Variants in SIRT5 observed in about 807,000 individuals in gnomAD.
SIRT5 encodes the protein NAD-dependent protein deacylase sirtuin-5, mitochondrial.
A neutral mutation model predicts 40.0 loss-of-function variants in SIRT5; 26 were observed. That is an observed-to-expected ratio of 0.65 (90% CI 0.48 to 0.90). The LOEUF is 0.90. SIRT5 is among the 40% of genes least tolerant of loss of function. The pLI is 0.00. For synonymous variants in SIRT5, 146 were observed against 149.1 expected (o/e 0.98, Z 0.15); for missense variants, 401 against 402.4 (o/e 1.00, Z 0.03).
chr6:13,575,925 G>A (rs548533354), intron 1 of SIRT5, among the ~76,000 whole-genome samples: 6 of 152,076 alleles, frequency 3.9e-5, no homozygotes, highest in Non-Finnish European at 7.4e-5. Context: ...TCTGTGCCTG[G>A]CTTATTTTAC....
At chr6:13,574,768 T>G in intron 1 of SIRT5, 24 bp downstream of exon 1, 1 of 150,830 alleles carries the variant, frequency 6.6e-6, no homozygotes, top group African/African-American at 2.5e-5. Context: ...TGCGTGGGGG[T>G]CGCTGCGGCT....
At chr6:13,587,527 G>A (rs376221580) in intron 3 of SIRT5, among the ~76,000 whole-genome samples, 39 of 152,308 alleles carry the variant, frequency 2.6e-4, no homozygotes, top group African/African-American at 9.1e-4. Context: ...TGTGATCCAC[G>A]TAAAGTGCTT....
Position 13,611,224 on chromosome 6 carries a change from TATATATATATATACACACACAC to T in SIRT5, c.858-562_858-541del, listed in dbSNP as rs1296707455. Among the ~76,000 whole-genome samples, 159 of 130,602 alleles carry T rather than the reference TATATATATATATACACACACAC, an allele frequency of 1.2e-3. 1 individual carries two copies. The highest frequency in any genetic ancestry group is 4.4e-3 in the African/African-American group (144 of 32,602). The allele number at this position is 130,602 out of a possible 152,430, so 85.7% of individuals were successfully genotyped here. ...GTGTGTGTGTATATATATATATATATATATATATATATACACACACACATACACACACACATATATATACACA... is the reference window on the plus strand; with the variant it reads ...GTGTGTGTGTATATATATATATATATATACACACACACATATATATACACA... On this transcript the variant is annotated intron_variant, in intron 9 of 9. Coordinates refer to ENST00000606117, the MANE Select transcript of SIRT5 (RefSeq NM_012241.5).
chr6:13,597,078 ACATC>A, intron 7 of SIRT5, 62 bp downstream of exon 7: 1 of 1,310,486 alleles, frequency 7.6e-7, no homozygotes, highest in Non-Finnish European at 1.1e-6. Flanking sequence ...AAAAAAACAG[ACATC>A]AAAACCTAAA....
rs201478760 is a variant in SIRT5, at chr6:13,584,226, G to C, written c.115+1G>C. The C allele has an allele frequency of 3.3e-5, 54 of 1,612,374 alleles. No homozygotes were observed. The highest frequency in any genetic ancestry group is 4.4e-5 in the Non-Finnish European group (52 of 1,178,510). The stretch of plus-strand genomic sequence containing the variant: ...CTGAAAATGGCTCGGCCAAGTTCAA[G>C]TAAGTCATTTTACCCATTGCCTCAC... On this transcript the variant is annotated splice_donor_variant, in intron 3 of 9. Transcript: ENST00000606117. LOFTEE classifies it high-confidence loss of function.
At chr6:13,578,253 GTAGT>G (rs1215672498) in intron 1 of SIRT5, among the ~76,000 whole-genome samples, 2 of 152,136 alleles carry the variant, frequency 1.3e-5, no homozygotes, top group Non-Finnish European at 2.9e-5. Context: ...ATATTGGTCT[GTAGT>G]TTTTCTTCTT....
At chr6:13,601,730 G>A (rs532598447) in intron 9 of SIRT5, among the ~76,000 whole-genome samples, 26 of 151,958 alleles carry the variant, frequency 1.7e-4, no homozygotes, top group African/African-American at 6.3e-4. Context: ...AAATTTCGAT[G>A]TCATTGCTCT....
Position 13,600,960 on chromosome 6 carries a change from A to T in SIRT5, c.857+11A>T, listed in dbSNP as rs1199302916. 2 of 1,597,838 alleles carry T rather than the reference A, an allele frequency of 1.3e-6. No individual in the cohort carries two copies. Among genetic ancestry groups the T allele is most frequent in the Admixed American group, 1.7e-5 (1 of 59,908 alleles). Reference sequence around the variant, plus strand: ...TACGAACAGATTCAGGTACTGGGATACCCTGATGGGAGAGGGAGATGTGGG... The same window carrying T: ...TACGAACAGATTCAGGTACTGGGATTCCCTGATGGGAGAGGGAGATGTGGG... On this transcript the variant is annotated intron_variant, in intron 9 of 9. Coordinates refer to ENST00000606117, the MANE Select transcript of SIRT5 (RefSeq NM_012241.5).
chr6:13,611,589 G>T (rs1763938025), intron 9 of SIRT5, among the ~76,000 whole-genome samples: 1 of 151,998 alleles, frequency 6.6e-6, no homozygotes, highest in Non-Finnish European at 1.5e-5. Context: ...CAGTCACAGA[G>T]CCCAGCCCAT....
At position 13,615,024 on chromosome 6, in the gene SIRT5, C is replaced by G. The variant is rs578211450; in HGVS notation, c.*3159C>G. 80 of 291,984 alleles carry G rather than the reference C, an allele frequency of 2.7e-4. No homozygotes were observed. Among genetic ancestry groups the G allele is most frequent in the African/African-American group, 1.7e-3 (80 of 46,000 alleles). The allele number at this position is 291,984 out of a possible 1,614,324, so 18.1% of individuals were successfully genotyped here. A position where few individuals can be genotyped will look rare whatever the true frequency, so the allele number is the denominator to read the frequency against. ...GGCCCGCGATTACCGGTTTTCTGAG[C>G]ACCGGACAGCGTGAGCCGTGCCAGC... On this transcript the variant is annotated 3_prime_UTR_variant, in exon 10 of 10. Coordinates refer to ENST00000606117, the MANE Select transcript of SIRT5 (RefSeq NM_012241.5).
intron 9 of SIRT5, chr6:13,605,725 A>G: frequency 2.0e-6 from 2 of 985,436 alleles, no homozygotes; most frequent in East Asian, 1.1e-4. Context: ...AACCCTAGGC[A>G]TTTTTGAATT....
chr6:13,601,552 C>G (rs1238330419), intron 9 of SIRT5, among the ~76,000 whole-genome samples: 1 of 151,910 alleles, frequency 6.6e-6, no homozygotes, highest in Non-Finnish European at 1.5e-5. Flanking sequence ...TAATTCTTGT[C>G]CATCTAGTTA....
intron 2 of SIRT5, among the ~76,000 whole-genome samples, chr6:13,583,107 G>T (rs1301295486): frequency 6.6e-6 from 1 of 152,040 alleles, no homozygotes; most frequent in Non-Finnish European, 1.5e-5. Context: ...TGGGGAGGAT[G>T]GGGTGGGAGG....
chr6:13,582,861 A>G (rs1759534397), intron 2 of SIRT5, among the ~76,000 whole-genome samples: 1 of 152,186 alleles, frequency 6.6e-6, no homozygotes, highest in Non-Finnish European at 1.5e-5. Flanking sequence ...TTGTCACAGT[A>G]CACTTCTTTC....
intron 1 of SIRT5, among the ~76,000 whole-genome samples, chr6:13,578,634 A>G (rs1487214573): frequency 2.6e-5 from 4 of 151,540 alleles, no homozygotes; most frequent in Admixed American, 1.3e-4. Context: ...AAAAAAAAAA[A>G]AAAGAAAATA....
At chr6:13,591,137 TGTTTA>T (rs528586898) in intron 4 of SIRT5, among the ~76,000 whole-genome samples, 58 of 152,188 alleles carry the variant, frequency 3.8e-4, no homozygotes, top group African/African-American at 1.2e-3. Context: ...GAGTTGTGTG[TGTTTA>T]GTTGTGTGTA....
intron 5 of SIRT5, among the ~76,000 whole-genome samples, chr6:13,595,043 T>C (rs1761391211): frequency 6.6e-6 from 1 of 152,226 alleles, no homozygotes; most frequent in Non-Finnish European, 1.5e-5. Context: ...TATTGGCAAC[T>C]TCTGCCCACT....
In SIRT5 at chr6:13,613,199, C is replaced by T. The variant is rs552517510; in HGVS notation, c.*1334C>T. On this transcript the variant is annotated 3_prime_UTR_variant, in exon 10 of 10. Coordinates refer to ENST00000606117, the MANE Select transcript of SIRT5 (RefSeq NM_012241.5). ...CCTCAGCAGCCTCCACGTGGCAACC[C>T]TCACTTCTTAAGTTATTGCTGTCAG... 1 of 152,454 alleles carries T rather than the reference C, an allele frequency of 6.6e-6. No homozygotes were observed. The highest frequency in any genetic ancestry group is 1.9e-4 in the East Asian group (1 of 5,196). 9.4% of individuals were successfully genotyped at this position (152,454 alleles called of 1,614,324 possible).
chr6:13,597,471 A>G (rs1284463795), intron 7 of SIRT5, among the ~76,000 whole-genome samples: 1 of 151,042 alleles, frequency 6.6e-6, no homozygotes, highest in Non-Finnish European at 1.5e-5. Context: ...TTTTATGCCA[A>G]TTTTTCAAAA....
Sources: allele counts gnomAD v4.1 joint callset (sites outside exome capture counted in the v4.1 genomes callset), GRCh38; gene constraint gnomAD v4.1.1; transcripts MANE v1.5; gene names NCBI Gene and HGNC (gene_info 2026-07-23, HGNC 2026-07-21).